Variants in ATR observed in about 807,000 individuals in gnomAD.
The protein encoded by ATR is ATR checkpoint kinase, also known as serine/threonine-protein kinase ATR.
Under a neutral mutation model 305.3 loss-of-function variants are expected in ATR, and 142 were observed. That is an observed-to-expected ratio of 0.47 (90% CI 0.41 to 0.53). The LOEUF is 0.53. ATR is among the 20% of genes least tolerant of loss of function. The pLI is 0.00. For synonymous variants in ATR, 1,050 were observed against 1,068.1 expected (o/e 0.98, Z 0.33); for missense variants, 2,135 against 3,133.1 (o/e 0.68, Z 7.60).
In ATR at chr3:142,559,267, A is replaced by G. The variant is rs2034793950; in HGVS notation, c.1716T>C (p.Ala572=). 1.2e-6 allele frequency: 2 copies of G among 1,613,728 alleles called. No homozygotes were observed. Among genetic ancestry groups the G allele is most frequent in the East Asian group, 2.2e-5 (1 of 44,812 alleles). Residue 572 remains alanine (A), a synonymous_variant, in exon 7 of 47, where the codon GCT becomes GCC. Transcript: ENST00000350721. ...TGTACTCACCTTGCATATAAATCAA[A>G]GCATCATAAATTTTCACCACCTTAT... ...TIDKVVKIYD[A]LIYMQVNSSF... is the part of the protein sequence containing the mutation.
At chr3:142,567,971 A>C in intron 2 of ATR, 92 bp downstream of exon 2, 1 of 1,077,014 alleles carries the variant, frequency 9.3e-7, no homozygotes, top group Non-Finnish European at 1.3e-6. Context: ...CTCCATATCT[A>C]AAACTACATG....
intron 36 of ATR, among the ~76,000 whole-genome samples, chr3:142,482,792 A>G (rs1271979761): frequency 6.6e-6 from 1 of 151,672 alleles, no homozygotes; most frequent in Non-Finnish European, 1.5e-5. Flanking sequence ...CTATGATTGT[A>G]CTGCACTCCT....
At chr3:142,533,674 C>G (rs1367082888) in intron 21 of ATR, among the ~76,000 whole-genome samples, 3 of 152,120 alleles carry the variant, frequency 2.0e-5, no homozygotes, top group Non-Finnish European at 4.4e-5. Flanking sequence ...GTTTTTCTTA[C>G]CAGCCTGCCA....
intron 2 of ATR, among the ~76,000 whole-genome samples, chr3:142,566,629 T>TAA (rs548148224): frequency 2.0e-4 from 1 of 4,960 alleles, no homozygotes; most frequent in Non-Finnish European, 3.5e-4. Flanking sequence ...CTCTTAAAAT[T>TAA]AAAAAAAAAA....
At chr3:142,564,655 A>G (rs1465294685) in intron 3 of ATR, among the ~76,000 whole-genome samples, 3 of 152,252 alleles carry the variant, frequency 2.0e-5, no homozygotes, top group African/African-American at 7.2e-5. Flanking sequence ...ATTTTATATC[A>G]TGACCCAGTA....
chr3:142,450,945 A>G, intron 46 of ATR: 1 of 1,209,470 alleles, frequency 8.3e-7, no homozygotes, highest in Non-Finnish European at 1.0e-6. Flanking sequence ...TCACCTCAGA[A>G]AAGAAAAACC....
chr3:142,505,456 T>C (rs2032188695), intron 28 of ATR, among the ~76,000 whole-genome samples, 153 bp from the exon 29 acceptor site: 1 of 152,176 alleles, frequency 6.6e-6, no homozygotes, highest in South Asian at 2.1e-4. Flanking sequence ...AAAGTCACAG[T>C]AAAATTATAA....
chr3:142,549,478 C>T lies in ATR; in HGVS notation c.3171+1G>A, dbSNP rs199731535. ...TAAAATATATAGAAATATTCAATTA[C>T]CTTCAGATAATGAAGGGCACGTTCT... On this transcript the variant is annotated splice_donor_variant, in intron 15 of 46. Coordinates refer to ENST00000350721, the MANE Select transcript of ATR (RefSeq NM_001184.4). LOFTEE classifies it high-confidence loss of function. 1 of 1,567,422 alleles carries T rather than the reference C, an allele frequency of 6.4e-7. No homozygotes were observed. The highest frequency in any genetic ancestry group is 8.7e-7 in the Non-Finnish European group (1 of 1,153,974).
intron 32 of ATR, among the ~76,000 whole-genome samples, chr3:142,497,640 G>A (rs1186621048): frequency 6.6e-6 from 1 of 151,660 alleles, no homozygotes; most frequent in East Asian, 1.9e-4. Context: ...AATATTTAGG[G>A]ATTTGCAGTG....
At position 142,549,433 on chromosome 3, in the gene ATR, T is replaced by C. The variant is rs141431430; in HGVS notation, c.3171+46A>G. 1.8e-3 allele frequency: 2,360 copies of C among 1,292,972 alleles called. 41 individuals are homozygous for C. In the African/African-American group the frequency reaches 0.031, roughly 17 times the overall value. 80.1% of individuals were successfully genotyped at this position (1,292,972 alleles called of 1,614,324 possible). On this transcript the variant is annotated intron_variant, in intron 15 of 46. Coordinates refer to ENST00000350721, the MANE Select transcript of ATR (RefSeq NM_001184.4). ...GAAGAATGTTACATCTTTCCTATAA[T>C]GCTAATTTATATAAAAAAGTAAAAT...
At chr3:142,548,687 A>T (rs76683402) in intron 15 of ATR, among the ~76,000 whole-genome samples, 2 of 151,328 alleles carry the variant, frequency 1.3e-5, no homozygotes, top group East Asian at 3.9e-4. Context: ...AAAAAAAAAA[A>T]TTAAGAGTAC....
In ATR at chr3:142,465,177, A is replaced by G. The variant is rs587783338; in HGVS notation, c.6961T>C (p.Phe2321Leu). 66 of 1,609,556 alleles carry G rather than the reference A, an allele frequency of 4.1e-5. No homozygotes were observed. The Admixed American group carries it at 1.1e-3, about 27-fold the overall frequency. ...KISLKGSDGK[F>L]YIMMCKPKDD... Reference sequence around the variant, plus strand: ...TTTGGCTTACACATCATGATGTAGAACTTTCCATCTGAGCCTTTTAAAGAA... The same window carrying G: ...TTTGGCTTACACATCATGATGTAGAGCTTTCCATCTGAGCCTTTTAAAGAA... The change falls in exon 41 of 47, where the codon TTC becomes CTC. Residue 2321 changes from phenylalanine to leucine, a missense_variant. Transcript: ENST00000350721.
chr3:142,499,003 C>A (rs1394565729), intron 31 of ATR: 2 of 558,070 alleles, frequency 3.6e-6, no homozygotes, highest in East Asian at 3.1e-5. Flanking sequence ...ACCTCAGTCT[C>A]CTGAGTAGGT....
intron 35 of ATR, among the ~76,000 whole-genome samples, chr3:142,488,693 T>G (rs2031100763): frequency 6.6e-6 from 1 of 152,148 alleles, no homozygotes; most frequent in Non-Finnish European, 1.5e-5. Flanking sequence ...TACTAACTTT[T>G]TAGAAGTCAA....
In ATR at chr3:142,503,521, T is replaced by C. The variant is rs1228073199; in HGVS notation, c.5197-68A>G. On this transcript the variant is annotated intron_variant, in intron 29 of 46. Coordinates refer to ENST00000350721, the MANE Select transcript of ATR (RefSeq NM_001184.4). Reference sequence around the variant, plus strand: ...TAATAGCTTGGGGACCAAAAACAGTTTAACTGATATTCTTTAAAAATTACT... The same window carrying C: ...TAATAGCTTGGGGACCAAAAACAGTCTAACTGATATTCTTTAAAAATTACT... 6.7e-6 allele frequency: 6 copies of C among 899,118 alleles called. No homozygotes were observed. The East Asian group carries it at 1.6e-4, about 24-fold the overall frequency. 55.7% of individuals were successfully genotyped at this position (899,118 alleles called of 1,614,324 possible). A position where few individuals can be genotyped will look rare whatever the true frequency, so the allele number is the denominator to read the frequency against.
At chr3:142,510,390 T>C (rs1404945516) in intron 27 of ATR, among the ~76,000 whole-genome samples, 1 of 151,370 alleles carries the variant, frequency 6.6e-6, no homozygotes, top group Non-Finnish European at 1.5e-5. Context: ...ACCCAGGAGG[T>C]GGAAGCTGCA....
intron 28 of ATR, among the ~76,000 whole-genome samples, chr3:142,505,606 C>A (rs1333581888): frequency 3.3e-5 from 5 of 152,254 alleles, no homozygotes; most frequent in Non-Finnish European, 5.9e-5. Flanking sequence ...ATAACATATT[C>A]TGTTGAGTAT....
rs565963666 is a variant in ATR, at chr3:142,477,234, T to C, written c.6222-7051A>G. ...CAGTATATTGGCTGTGAGTCTGTCATAAATAGCTCTTATTATTTTTAGATA... is the reference window on the plus strand; with the variant it reads ...CAGTATATTGGCTGTGAGTCTGTCACAAATAGCTCTTATTATTTTTAGATA... On this transcript the variant is annotated intron_variant, in intron 36 of 46. Transcript: ENST00000350721. Among the ~76,000 whole-genome samples the C allele has an allele frequency of 5.9e-5, 9 of 152,348 alleles. No homozygotes were observed. The South Asian group carries it at 1.7e-3, about 28-fold the overall frequency.
chr3:142,500,590 A>G (rs2031907766), intron 30 of ATR, among the ~76,000 whole-genome samples: 1 of 152,198 alleles, frequency 6.6e-6, no homozygotes, highest in South Asian at 2.1e-4. Context: ...GCTGGAATCA[A>G]TATCCTCAAA....
Sources: gnomAD v4.1 joint callset for allele counts (sites outside exome capture counted in the v4.1 genomes callset) on GRCh38, gnomAD v4.1.1 for gene constraint, MANE v1.5 for transcripts, NCBI Gene and HGNC (gene_info 2026-07-23, HGNC 2026-07-21) for gene names.